EIF4G3: variants seen among roughly 807,000 people sequenced by gnomAD.
The protein encoded by EIF4G3 is eIF-4-gamma 3.
EIF4G3 carries 34 observed loss-of-function variants against 186.4 expected under a neutral mutation model. That is an observed-to-expected ratio of 0.18 (90% CI 0.14 to 0.24). The LOEUF (loss-of-function observed/expected upper bound fraction) is 0.24. Among genes scored for constraint, EIF4G3 ranks in the 10% least tolerant of loss-of-function variants. The pLI is 1.00. For synonymous variants in EIF4G3, 673 were observed against 679.5 expected, an observed-to-expected ratio of 0.99 and a Z score of 0.15; for missense variants, 1,536 against 1,948.5, an observed-to-expected ratio of 0.79 and a Z score of 3.99.
In EIF4G3 at chr1:20,905,123, T is replaced by C. The variant is rs980763812; in HGVS notation, c.1664-152A>G. ...TTGGCTGATCAAGTGAACAATTGTG[T>C]AGTAGCCCAGAGATTGCAACATCAA... On this transcript the variant is annotated intron_variant, in intron 14 of 36. Coordinates refer to ENST00000602326, the MANE Select transcript of EIF4G3 (RefSeq NM_001391906.1). The C allele has an allele frequency of 8.4e-6, 5 of 597,616 alleles. No individual in the cohort carries two copies. In the African/African-American group the frequency reaches 9.4e-5, roughly 11 times the overall value. The allele number at this position is 597,616 out of a possible 1,614,324, so 37.0% of individuals were successfully genotyped here.
intron 29 of EIF4G3, 75 bp from the exon 30 acceptor site, chr1:20,841,103 C>T: frequency 6.8e-7 from 1 of 1,468,484 alleles, no homozygotes; most frequent in Admixed American, 2.0e-5. Context: ...ACTTTAAAAT[C>T]TTTTACTTAC....
intron 30 of EIF4G3, among the ~76,000 whole-genome samples, chr1:20,837,217 C>CT (rs869204646): frequency 9.0e-4 from 132 of 146,846 alleles, no homozygotes; most frequent in East Asian, 3.8e-3. Context: ...TTCTGCTTTT[C>CT]TTTTTTTTTT....
At chr1:21,084,429 C>G (rs1273785916) in intron 3 of EIF4G3, among the ~76,000 whole-genome samples, 2 of 152,096 alleles carry the variant, frequency 1.3e-5, no homozygotes, top group Non-Finnish European at 2.9e-5. Context: ...CATGAAAAAT[C>G]ATTCACTATC....
chr1:20,913,480 T>C (rs1380584071), intron 14 of EIF4G3, among the ~76,000 whole-genome samples: 1 of 152,158 alleles, frequency 6.6e-6, no homozygotes, highest in Admixed American at 6.5e-5. Flanking sequence ...GATGGTTATA[T>C]GATCGTATTA....
intron 33 of EIF4G3, among the ~76,000 whole-genome samples, chr1:20,819,255 C>T (rs554619912): frequency 3.3e-5 from 5 of 151,668 alleles, no homozygotes; most frequent in Admixed American, 6.6e-5. Context: ...AAACTATAAA[C>T]ATTTTTATAT....
intron 2 of EIF4G3, among the ~76,000 whole-genome samples, chr1:21,091,342 G>A (rs957435724): frequency 6.6e-6 from 1 of 151,886 alleles, no homozygotes; most frequent in Non-Finnish European, 1.5e-5. Context: ...TGTATTTTTA[G>A]TAGAGATGGG....
intron 2 of EIF4G3, among the ~76,000 whole-genome samples, chr1:21,154,739 C>T (rs753959495): frequency 1.5e-4 from 23 of 152,180 alleles, no homozygotes; most frequent in Non-Finnish European, 2.4e-4. Flanking sequence ...TAAGGAGATG[C>T]AGATATATGC....
At chr1:20,924,879 T>C (rs2094764308) in intron 14 of EIF4G3, among the ~76,000 whole-genome samples, 1 of 152,230 alleles carries the variant, frequency 6.6e-6, no homozygotes, top group Non-Finnish European at 1.5e-5. Context: ...ATTATTTGAA[T>C]GAGACCTAAG....
intron 19 of EIF4G3, among the ~76,000 whole-genome samples, chr1:20,881,450 A>G (rs1266362617): frequency 6.6e-6 from 1 of 152,222 alleles, no homozygotes; most frequent in Non-Finnish European, 1.5e-5. Context: ...TGACAGCAAA[A>G]GCACAATCAT....
chr1:21,167,547 C>A (rs987440816), intron 2 of EIF4G3, among the ~76,000 whole-genome samples: 1 of 152,108 alleles, frequency 6.6e-6, no homozygotes, highest in Admixed American at 6.6e-5. Flanking sequence ...AGGCCAAGGT[C>A]AGGAGTTCAA....
At chr1:21,024,814 C>G (rs2154571278) in intron 4 of EIF4G3, among the ~76,000 whole-genome samples, 1 of 149,822 alleles carries the variant, frequency 6.7e-6, no homozygotes, top group Middle Eastern at 3.4e-3. Flanking sequence ...TGTTTATCTG[C>G]TGACCTTCCC....
chr1:21,063,106 T>C (rs2095015938), intron 3 of EIF4G3, among the ~76,000 whole-genome samples: 1 of 152,196 alleles, frequency 6.6e-6, no homozygotes, highest in African/African-American at 2.4e-5. Flanking sequence ...CAAGCTAGAA[T>C]GCAGTGGCAC....
intron 2 of EIF4G3, among the ~76,000 whole-genome samples, chr1:21,170,650 GAC>G (rs1242000464): frequency 6.6e-6 from 1 of 151,938 alleles, no homozygotes; most frequent in Non-Finnish European, 1.5e-5. Context: ...CAGCCTGGGC[GAC>G]AGAGACTCTG....
chr1:21,086,241 C>T (rs1187756406), intron 3 of EIF4G3, among the ~76,000 whole-genome samples: 1 of 145,242 alleles, frequency 6.9e-6, no homozygotes, highest in Non-Finnish European at 1.5e-5. Flanking sequence ...ACTCTGTCAC[C>T]CAGGTTGGAG....
In EIF4G3 at chr1:21,107,185, T is replaced by C. The variant is rs140358405; in HGVS notation, c.-271-17972A>G. Among the ~76,000 whole-genome samples the C allele has an allele frequency of 1.5e-4, 23 of 152,262 alleles. No individual in the cohort carries two copies. The East Asian group carries it at 4.2e-3, about 28-fold the overall frequency. ...AACTATCCAATTTTTGATTTTATTATTTACTTATTGAGATGGAGTCTTACT... is the reference window on the plus strand; with the variant it reads ...AACTATCCAATTTTTGATTTTATTACTTACTTATTGAGATGGAGTCTTACT... On this transcript the variant is annotated intron_variant, in intron 2 of 36. Coordinates refer to ENST00000602326, the MANE Select transcript of EIF4G3 (RefSeq NM_001391906.1).
At chr1:20,980,805 G>A (rs1224815099) in intron 9 of EIF4G3, among the ~76,000 whole-genome samples, 1 of 152,190 alleles carries the variant, frequency 6.6e-6, no homozygotes, top group Admixed American at 6.5e-5. Flanking sequence ...GTGGCAAAGG[G>A]ATGGGAGAAA....
At chr1:21,140,442 T>C (rs2097317591) in intron 2 of EIF4G3, among the ~76,000 whole-genome samples, 2 of 152,084 alleles carry the variant, frequency 1.3e-5, no homozygotes, top group Admixed American at 1.3e-4. Flanking sequence ...GCCCCCTAAA[T>C]AGCTGGGACT....
chr1:21,113,677 T>G (rs1161456641), intron 2 of EIF4G3, among the ~76,000 whole-genome samples: 3 of 152,192 alleles, frequency 2.0e-5, no homozygotes, highest in Non-Finnish European at 4.4e-5. Context: ...ACTGGTGCAC[T>G]GTTATACAGG....
intron 3 of EIF4G3, among the ~76,000 whole-genome samples, chr1:21,063,094 C>T (rs1286258921): frequency 6.6e-6 from 1 of 152,044 alleles, no homozygotes. Flanking sequence ...CACTTTGTCA[C>T]CCAAGCTAGA....
Sources: gnomAD v4.1 joint callset for allele counts (sites outside exome capture counted in the v4.1 genomes callset) on GRCh38, gnomAD v4.1.1 for gene constraint, MANE v1.5 for transcripts, NCBI Gene and HGNC (gene_info 2026-07-23, HGNC 2026-07-21) for gene names.